FHIT: variants seen among roughly 807,000 people sequenced by gnomAD.
FHIT encodes the protein fragile histidine triad diadenosine triphosphatase, also known as bis(5'-adenosyl)-triphosphatase.
FHIT carries 19 observed loss-of-function variants against 17.9 expected under a neutral mutation model. The ratio of observed to expected loss-of-function variants is 1.06; its 90% confidence interval spans 0.74 to 1.56. The LOEUF (loss-of-function observed/expected upper bound fraction) is 1.56. Ranked by LOEUF, FHIT falls within the 40% of genes most tolerant of loss-of-function variation. The pLI, the probability that FHIT is intolerant of heterozygous loss-of-function variation, is 0.00. For missense variants in FHIT, 248 were observed against 189.2 expected (o/e 1.31, Z -1.82); for synonymous variants, 81 against 69.7 (o/e 1.16, Z -0.81).
At chr3:60,450,251 C>T (rs1389689983) in intron 5 of FHIT, among the ~76,000 whole-genome samples, 1 of 151,408 alleles carries the variant, frequency 6.6e-6, no homozygotes, top group African/African-American at 2.4e-5. Context: ...TATGACATTA[C>T]AATGTCTACG....
rs57414828 is a variant in FHIT, at chr3:60,027,148, C to CAA, written c.104-12998_104-12997dup. On this transcript the variant is annotated intron_variant, in intron 5 of 9. Coordinates refer to ENST00000492590, the MANE Select transcript of FHIT (RefSeq NM_002012.4). ...ACACACACACACACACACACACACA[C>CAA]AAAATTAGTAAACCCAATAATCCAC... 8.3e-4 allele frequency among the ~76,000 whole-genome samples: 104 copies of CAA among 125,838 alleles called. 3 individuals carry two copies. Among genetic ancestry groups the CAA allele is most frequent in the African/African-American group, 2.7e-3 (99 of 36,944 alleles). 82.6% of individuals were successfully genotyped at this position (125,838 alleles called of 152,430 possible). A position where few individuals can be genotyped will look rare whatever the true frequency, so the allele number is the denominator to read the frequency against.
intron 8 of FHIT, among the ~76,000 whole-genome samples, chr3:59,812,018 C>A (rs147488995): frequency 6.6e-6 from 1 of 152,150 alleles, no homozygotes; most frequent in Non-Finnish European, 1.5e-5. Flanking sequence ...AAGATCTATA[C>A]ACAGTGGTTC....
intron 4 of FHIT, among the ~76,000 whole-genome samples, chr3:60,574,174 G>A (rs576187049): frequency 1.4e-4 from 22 of 152,128 alleles, no homozygotes; most frequent in African/African-American, 5.1e-4. Context: ...CAGCAGCTAT[G>A]GGAGCTACAA....
At chr3:61,050,844 G>A (rs539351601) in intron 2 of FHIT, among the ~76,000 whole-genome samples, 44 of 152,294 alleles carry the variant, frequency 2.9e-4, no homozygotes, top group African/African-American at 1.0e-3. Context: ...TTCACTTCCA[G>A]CTGGGAGAAA....
intron 5 of FHIT, among the ~76,000 whole-genome samples, chr3:60,305,083 G>C (rs1326137797): frequency 6.6e-6 from 1 of 152,070 alleles, no homozygotes; most frequent in Non-Finnish European, 1.5e-5. Context: ...ACTTTGTTTG[G>C]ATTGGGGGCT....
In FHIT at chr3:60,522,106, G is replaced by GTTTTT. The variant is rs372184170; in HGVS notation, c.103+14749_103+14753dup. ...AAAGAAACAGCAACAGCAACCAGAA[G>GTTTTT]TTTTTTTTTTTTTTTTTTCTGACAC... On this transcript the variant is annotated intron_variant, in intron 5 of 9. Transcript: ENST00000492590. Among the ~76,000 whole-genome samples the GTTTTT allele has an allele frequency of 1.9e-4, 25 of 133,312 alleles. 3 individuals are homozygous for GTTTTT. The highest frequency in any genetic ancestry group is 2.8e-4 in the Non-Finnish European group (18 of 64,182). 87.5% of individuals were successfully genotyped at this position (133,312 alleles called of 152,430 possible).
intron 8 of FHIT, among the ~76,000 whole-genome samples, chr3:59,868,652 G>A (rs1405465988): frequency 1.3e-5 from 2 of 152,108 alleles, no homozygotes; most frequent in Non-Finnish European, 2.9e-5. Context: ...TTCTATTCCT[G>A]AACTCAGTGG....
intron 5 of FHIT, among the ~76,000 whole-genome samples, chr3:60,472,772 GA>G (rs1319649115): frequency 6.6e-6 from 1 of 152,112 alleles, no homozygotes; most frequent in Non-Finnish European, 1.5e-5. Flanking sequence ...CTTCTGACAG[GA>G]GAGAAAAATG....
intron 4 of FHIT, among the ~76,000 whole-genome samples, chr3:60,730,828 T>C (rs1404985563): frequency 6.6e-6 from 1 of 151,770 alleles, no homozygotes; most frequent in Non-Finnish European, 1.5e-5. Flanking sequence ...TTAAGAAAAA[T>C]AAGACAGGCC....
At chr3:60,483,167 T>C (rs1477072754) in intron 5 of FHIT, among the ~76,000 whole-genome samples, 2 of 152,170 alleles carry the variant, frequency 1.3e-5, no homozygotes, top group Non-Finnish European at 2.9e-5. Context: ...TAATAAGTTC[T>C]GAAATTGAGG....
intron 7 of FHIT, among the ~76,000 whole-genome samples, chr3:59,925,316 G>A (rs748914144): frequency 5.9e-5 from 9 of 151,982 alleles, no homozygotes; most frequent in Non-Finnish European, 1.3e-4. Flanking sequence ...ATGTTGCCCA[G>A]TCTGGTCTCA....
chr3:60,314,240 G>A (rs1181738642), intron 5 of FHIT, among the ~76,000 whole-genome samples: 1 of 150,296 alleles, frequency 6.7e-6, no homozygotes, highest in African/African-American at 2.4e-5. Flanking sequence ...ATTAATAAGA[G>A]ATATAGGATT....
At chr3:59,953,190 G>A (rs1271082548) in intron 7 of FHIT, among the ~76,000 whole-genome samples, 1 of 151,220 alleles carries the variant, frequency 6.6e-6, no homozygotes, top group Non-Finnish European at 1.5e-5. Flanking sequence ...ATCTCTTCTT[G>A]TCTTTCTCTG....
chr3:61,200,368 T>A (rs2106672230), intron 2 of FHIT, among the ~76,000 whole-genome samples: 1 of 152,358 alleles, frequency 6.6e-6, no homozygotes, highest in East Asian at 1.9e-4. Flanking sequence ...ATGTCTTAGC[T>A]GCTGAGAAGA....
At chr3:60,991,094 G>A (rs1046664817) in intron 3 of FHIT, among the ~76,000 whole-genome samples, 2 of 152,218 alleles carry the variant, frequency 1.3e-5, no homozygotes, top group African/African-American at 4.8e-5. Context: ...TCCTAATGGG[G>A]ACGGGGGTGG....
intron 2 of FHIT, among the ~76,000 whole-genome samples, chr3:61,150,179 G>A (rs2037345412): frequency 6.6e-6 from 1 of 152,140 alleles, no homozygotes; most frequent in Admixed American, 6.5e-5. Flanking sequence ...AGAGAAGACA[G>A]CCAAAGAACA....
intron 5 of FHIT, among the ~76,000 whole-genome samples, chr3:60,424,803 C>A (rs917811576): frequency 1.3e-5 from 2 of 152,034 alleles, no homozygotes; most frequent in African/African-American, 4.8e-5. Context: ...CTATAAAATC[C>A]AACCCCCATT....
intron 8 of FHIT, among the ~76,000 whole-genome samples, chr3:59,759,825 G>A (rs1302208995): frequency 3.9e-5 from 6 of 152,110 alleles, no homozygotes; most frequent in Non-Finnish European, 4.4e-5. Flanking sequence ...ATCACCAGGT[G>A]CTTTCACTTG....
rs188681336 is a variant in FHIT, at chr3:60,283,459, C to T, written c.103+253401G>A. ...TCCTTCTAAAATATGTAATTCAATG[C>T]TTTTCAGTATATTCAGAAAAACATG... On this transcript the variant is annotated intron_variant, in intron 5 of 9. Coordinates refer to ENST00000492590, the MANE Select transcript of FHIT (RefSeq NM_002012.4). Among the ~76,000 whole-genome samples, 108 of 152,128 alleles carry T rather than the reference C, an allele frequency of 7.1e-4. 1 individual carries two copies. The highest frequency in any genetic ancestry group is 6.8e-3 in the Middle Eastern group (2 of 294).
Sources: gnomAD v4.1 joint callset for allele counts (sites outside exome capture counted in the v4.1 genomes callset) on GRCh38, gnomAD v4.1.1 for gene constraint, MANE v1.5 for transcripts, NCBI Gene and HGNC (gene_info 2026-07-23, HGNC 2026-07-21) for gene names.